Variants in TAOK1 observed in about 807,000 individuals in gnomAD.
TAOK1 encodes the protein serine/threonine-protein kinase TAO1.
In TAOK1, 21 loss-of-function variants were observed where a neutral mutation model predicts 138.3. That is an observed-to-expected ratio of 0.15 (90% confidence interval 0.11 to 0.22). The LOEUF (loss-of-function observed/expected upper bound fraction) is 0.22, where lower values mean the gene tolerates loss of function less well. Among genes scored for constraint, TAOK1 ranks in the 10% least tolerant of loss-of-function variants. The pLI, the probability that TAOK1 is intolerant of heterozygous loss-of-function variation, is 1.00. For missense variants in TAOK1, 651 were observed against 1,227.7 expected, an observed-to-expected ratio of 0.53 and a Z score of 7.02; for synonymous variants, 361 against 398.4, an observed-to-expected ratio of 0.91 and a Z score of 1.12.
At chr17:29,403,846 AG>A (rs1176661250) in intron 1 of TAOK1, 1 of 152,196 alleles carries the variant, frequency 6.6e-6, no homozygotes, top group East Asian at 1.9e-4. Context: ...CTGGGATTAC[AG>A]GTGTGAGCCA....
chr17:29,395,880 C>G (rs1273303352), intron 1 of TAOK1, among the ~76,000 whole-genome samples: 1 of 126,730 alleles, frequency 7.9e-6, no homozygotes, highest in Non-Finnish European at 1.6e-5. Flanking sequence ...GTTGCCCAGG[C>G]TGGTCTTGAA....
chr17:29,397,684 C>CCTGTATGATACATGTATAT (rs1567706777), intron 1 of TAOK1, among the ~76,000 whole-genome samples: 1 of 128,116 alleles, frequency 7.8e-6, no homozygotes, highest in Non-Finnish European at 1.6e-5. Flanking sequence ...TACATGTATA[C>CCTGTATGATACATGTATAT]ATGTATATTC....
chr17:29,497,361 G>A (rs953488786), intron 11 of TAOK1, among the ~76,000 whole-genome samples: 1 of 152,106 alleles, frequency 6.6e-6, no homozygotes, highest in Non-Finnish European at 1.5e-5. Context: ...AAATTGGGAT[G>A]ATTTCAGATA....
intron 17 of TAOK1, among the ~76,000 whole-genome samples, chr17:29,523,275 A>T (rs1047315234): frequency 1.3e-5 from 2 of 151,704 alleles, no homozygotes; most frequent in Non-Finnish European, 2.9e-5. Flanking sequence ...CACAGCTACT[A>T]GTTAGAAAAA....
intron 10 of TAOK1, 36 bp from the exon 11 acceptor site, chr17:29,495,524 A>G (rs1491002724): frequency 6.6e-7 from 1 of 1,520,846 alleles, no homozygotes; most frequent in Non-Finnish European, 8.9e-7. Flanking sequence ...CACTAATTGA[A>G]AAAAAAATCA....
At chr17:29,510,008 T>C (rs993252839) in intron 14 of TAOK1, among the ~76,000 whole-genome samples, 11 of 150,880 alleles carry the variant, frequency 7.3e-5, no homozygotes, top group Admixed American at 7.3e-4. Flanking sequence ...TGAGCCACAA[T>C]ACCTACTTAA....
At chr17:29,434,248 C>A (rs1422894944) in intron 1 of TAOK1, among the ~76,000 whole-genome samples, 1 of 152,094 alleles carries the variant, frequency 6.6e-6, no homozygotes, top group African/African-American at 2.4e-5. Flanking sequence ...TTAACTCTTT[C>A]TAGTTCGGAG....
Position 29,451,456 on chromosome 17 carries a change from A to G in TAOK1, c.-93A>G. 1 of 1,416,334 alleles carries G rather than the reference A, an allele frequency of 7.1e-7. No homozygotes were observed. The highest frequency in any genetic ancestry group is 9.3e-7 in the Non-Finnish European group (1 of 1,074,678). The allele number at this position is 1,416,334 out of a possible 1,614,324, so 87.7% of individuals were successfully genotyped here. ...CTTTTTTTTTCTATTTTTCTACAGT[A>G]GTTTATGCCAACGTGACTTCATTCA... On this transcript the variant is annotated splice_region_variant and 5_prime_UTR_variant, in exon 2 of 20. Coordinates refer to ENST00000261716, the MANE Select transcript of TAOK1 (RefSeq NM_020791.4).
chr17:29,489,688 A>C lies in TAOK1; in HGVS notation c.680A>C (p.Asn227Thr), dbSNP rs2031255899. ...GCGGAAAGGAAGCCTCCTTTATTTA[A>C]TATGAATGCAATGAGTGCCTTATAT... ...ELAERKPPLF[N>T]MNAMSALYHI... Residue 227 changes from asparagine to threonine, a missense_variant, in exon 9 of 20, where the codon AAT becomes ACT. Around this residue, in one of 8 missense-constraint regions of TAOK1, gnomAD observed 20 missense variants for 88.6 expected, o/e 0.23. Transcript: ENST00000261716. 1 of 1,609,730 alleles carries C rather than the reference A, an allele frequency of 6.2e-7. No individual in the cohort carries two copies.
intron 1 of TAOK1, among the ~76,000 whole-genome samples, chr17:29,398,541 T>G (rs911434266): frequency 1.3e-5 from 2 of 150,854 alleles, no homozygotes; most frequent in East Asian, 3.9e-4. Flanking sequence ...TTTCTTTTCT[T>G]TTTTAGAGAT....
chr17:29,489,020 G>C (rs1201210069), intron 8 of TAOK1, among the ~76,000 whole-genome samples: 1 of 152,186 alleles, frequency 6.6e-6, no homozygotes, highest in Non-Finnish European at 1.5e-5. Context: ...TGGGACATCT[G>C]AATGAAACTT....
Position 29,534,253 on chromosome 17 carries a change from G to A in TAOK1, c.2497G>A (p.Glu833Lys), listed in dbSNP as rs1469914358. Residue 833 changes from glutamate to lysine, a missense_variant, in exon 19 of 20, where the codon GAG becomes AAG. By Grantham distance (56) the Glu-to-Lys change is moderately conservative. This residue lies in a region of TAOK1 where 258 missense variants were observed against 548.9 expected (regional missense o/e 0.47). Coordinates refer to ENST00000261716, the MANE Select transcript of TAOK1 (RefSeq NM_020791.4). ...AEAQHDRELR[E>K]LEQRVSLRRA... is the part of the protein sequence containing the mutation. ...GGCACAACATGATCGAGAGCTTCGC[G>A]AGCTTGAACAGAGGGTCTCCCTCCG... The A allele has an allele frequency of 1.9e-6, 3 of 1,612,308 alleles. No homozygotes were observed. Among genetic ancestry groups the A allele is most frequent in the Non-Finnish European group, 2.5e-6 (3 of 1,179,294 alleles).
At chr17:29,518,720 T>C (rs1248706884) in intron 16 of TAOK1, among the ~76,000 whole-genome samples, 1 of 146,208 alleles carries the variant, frequency 6.8e-6, no homozygotes, top group Non-Finnish European at 1.5e-5. Context: ...ATGAAAAATT[T>C]AAAATGTTGA....
At chr17:29,482,571 C>T (rs2031086004) in intron 8 of TAOK1, among the ~76,000 whole-genome samples, 1 of 151,972 alleles carries the variant, frequency 6.6e-6, no homozygotes, top group Non-Finnish European at 1.5e-5. Flanking sequence ...ATTTGTTAAA[C>T]ACCTAGAATA....
rs748052340 is a variant in TAOK1 at position 29,495,610 on chromosome 17, T to A, written c.882T>A (p.Ile294=). The A allele has an allele frequency of 6.2e-7, 1 of 1,611,834 alleles. No individual in the cohort carries two copies. Residue 294 remains isoleucine, a synonymous_variant, in exon 11 of 20, where the codon ATT becomes ATA. Transcript: ENST00000261716. ...CTGAAACCGTGTTAATAGATCTCAT[T>A]CAGAGGACAAAGGATGCAGTAAGAG... ...ERPETVLIDL[I]QRTKDAVREL...
chr17:29,458,606 C>T (rs979081177), intron 2 of TAOK1, among the ~76,000 whole-genome samples: 22 of 152,166 alleles, frequency 1.4e-4, no homozygotes, highest in Non-Finnish European at 2.2e-4. Context: ...AAGTGATACT[C>T]GTGTCTCAGC....
chr17:29,528,017 G>T (rs1197546548), intron 17 of TAOK1, among the ~76,000 whole-genome samples: 2 of 152,126 alleles, frequency 1.3e-5, no homozygotes, highest in Non-Finnish European at 2.9e-5. Context: ...ACCTTTGAAA[G>T]ATTAGTTTTG....
chr17:29,489,541 T>TA, intron 8 of TAOK1, 123 bp from the exon 9 acceptor site: 1 of 642,484 alleles, frequency 1.6e-6, no homozygotes, highest in Non-Finnish European at 2.6e-6. Context: ...TACTTGCAAT[T>TA]TTTTGTGTAA....
At chr17:29,391,561 T>A (rs1401277718) in intron 1 of TAOK1, among the ~76,000 whole-genome samples, 2 of 152,216 alleles carry the variant, frequency 1.3e-5, no homozygotes, top group African/African-American at 4.8e-5. Flanking sequence ...GGCAGTTTCT[T>A]CATACACAGA....
Sources: allele counts gnomAD v4.1 joint callset (sites outside exome capture counted in the v4.1 genomes callset), GRCh38; gene constraint gnomAD v4.1.1; regional missense constraint gnomAD v4.1.1; transcripts MANE v1.5; gene names NCBI Gene and HGNC (gene_info 2026-07-23, HGNC 2026-07-21).